Variants in PARD3 observed in about 807,000 individuals in gnomAD.
PARD3 encodes the protein partitioning defective 3 homolog.
Under a neutral mutation model 155.4 loss-of-function variants are expected in PARD3, and 75 were observed. The observed-to-expected ratio is 0.48, with a 90% confidence interval of 0.40 to 0.58. The LOEUF is 0.58. PARD3 is among the 20% of genes least tolerant of loss of function. PARD3 has a pLI of 0.00. For missense variants in PARD3, 1,642 were observed against 1,721.7 expected (o/e 0.95, Z 0.82); for synonymous variants, 576 against 610.5 (o/e 0.94, Z 0.83).
At chr10:34,145,764 G>T (rs35539142) in intron 22 of PARD3, among the ~76,000 whole-genome samples, 26 of 151,968 alleles carry the variant, frequency 1.7e-4, no homozygotes, top group African/African-American at 4.4e-4. Context: ...ACAAACAAAC[G>T]TTGTTTGTTT....
intron 1 of PARD3, among the ~76,000 whole-genome samples, chr10:34,727,240 G>A (rs778693833): frequency 7.9e-5 from 12 of 152,194 alleles, no homozygotes; most frequent in Non-Finnish European, 1.8e-4. Flanking sequence ...GCAAGCCTGA[G>A]AGCATGAACC....
intron 19 of PARD3, among the ~76,000 whole-genome samples, chr10:34,324,572 T>C (rs1225913514): frequency 6.6e-6 from 1 of 152,144 alleles, no homozygotes; most frequent in African/African-American, 2.4e-5. Context: ...TGGGCACATC[T>C]AGAGACAGGA....
intron 14 of PARD3, among the ~76,000 whole-genome samples, chr10:34,349,353 C>T (rs998770364): frequency 6.6e-6 from 1 of 151,968 alleles, no homozygotes; most frequent in Non-Finnish European, 1.5e-5. Flanking sequence ...ATTGGAGGCA[C>T]ATCAAACTGC....
At chr10:34,563,532 ATTT>A (rs3041201) in intron 2 of PARD3, among the ~76,000 whole-genome samples, 13 of 144,322 alleles carry the variant, frequency 9.0e-5, no homozygotes, top group Non-Finnish European at 9.1e-5. Context: ...ACGCCTGCTA[ATTT>A]TTTTTTTTTT....
At position 34,146,724 on chromosome 10, in the gene PARD3, A is replaced by T. The variant is rs187026986; in HGVS notation, c.3420-15141T>A. 2.3e-3 allele frequency among the ~76,000 whole-genome samples: 350 copies of T among 152,294 alleles called. 3 individuals are homozygous for T. Among genetic ancestry groups the T allele is most frequent in the African/African-American group, 8.1e-3 (337 of 41,562 alleles). ...CTCTTCGTTCTCCTGCTAAAGAGTG[A>T]CCAGCTCCTATTCTGATCTCTCAGG... On this transcript the variant is annotated intron_variant, in intron 22 of 24. Transcript: ENST00000374788.
chr10:34,383,124 T>C (rs1842018112), intron 8 of PARD3, among the ~76,000 whole-genome samples: 1 of 152,192 alleles, frequency 6.6e-6, no homozygotes, highest in African/African-American at 2.4e-5. Context: ...AAATTTCTCA[T>C]TCTCTCAATA....
intron 1 of PARD3, among the ~76,000 whole-genome samples, chr10:34,725,171 GAGAC>G (rs2094685659): frequency 7.1e-6 from 1 of 141,768 alleles, no homozygotes; most frequent in African/African-American, 2.5e-5. Context: ...GAGAGAGAGA[GAGAC>G]GGAGTCTCAC....
At chr10:34,230,371 T>G (rs1296374887) in intron 22 of PARD3, among the ~76,000 whole-genome samples, 2 of 152,130 alleles carry the variant, frequency 1.3e-5, no homozygotes, top group Non-Finnish European at 2.9e-5. Context: ...GACCTCTGCA[T>G]GAAGGCAGAT....
intron 22 of PARD3, among the ~76,000 whole-genome samples, chr10:34,141,644 C>G (rs969989283): frequency 1.2e-4 from 18 of 152,288 alleles, no homozygotes; most frequent in African/African-American, 4.1e-4. Context: ...CAGGAATGTA[C>G]CCCTCGCCCT....
rs1225720759 is a variant in PARD3, at chr10:34,336,185, C to T, written c.2605+14G>A. ...CATCGTTTCTATGGCAACAGTCTAACTGTCCATTCTTACCTGCTTTCTGGT... is the reference window on the plus strand; with the variant it reads ...CATCGTTTCTATGGCAACAGTCTAATTGTCCATTCTTACCTGCTTTCTGGT... On this transcript the variant is annotated intron_variant, in intron 18 of 24. Transcript: ENST00000374788. The T allele has an allele frequency of 1.9e-6, 3 of 1,604,886 alleles. No homozygotes were observed. The highest frequency in any genetic ancestry group is 2.2e-5 in the South Asian group (2 of 90,774).
chr10:34,737,726 G>A (rs1159808649), intron 1 of PARD3, among the ~76,000 whole-genome samples: 2 of 152,180 alleles, frequency 1.3e-5, no homozygotes, highest in Non-Finnish European at 2.9e-5. Flanking sequence ...CTGGCACCTA[G>A]TTTGGACTTC....
intron 2 of PARD3, among the ~76,000 whole-genome samples, chr10:34,571,237 C>G (rs1170275223): frequency 6.6e-6 from 1 of 152,062 alleles, no homozygotes; most frequent in Non-Finnish European, 1.5e-5. Context: ...TTACTTGAGC[C>G]CAGGAAGTCA....
chr10:34,683,168 AT>A (rs2093877751), intron 2 of PARD3, among the ~76,000 whole-genome samples: 1 of 152,212 alleles, frequency 6.6e-6, no homozygotes, highest in Admixed American at 6.5e-5. Flanking sequence ...ATTCTCATTC[AT>A]AAGTGGAAGC....
At chr10:34,522,049 AC>A (rs1352990668) in intron 2 of PARD3, among the ~76,000 whole-genome samples, 1 of 152,182 alleles carries the variant, frequency 6.6e-6, no homozygotes, top group African/African-American at 2.4e-5. Flanking sequence ...AACTCCTGGA[AC>A]CAGTGAATGT....
chr10:34,283,480 G>A (rs758593683), intron 21 of PARD3, among the ~76,000 whole-genome samples: 9 of 152,072 alleles, frequency 5.9e-5, no homozygotes, highest in Non-Finnish European at 1.0e-4. Context: ...TTAGAAAAAC[G>A]GTTTTCGAGT....
chr10:34,475,107 G>C (rs528061106), intron 3 of PARD3, among the ~76,000 whole-genome samples: 5 of 152,284 alleles, frequency 3.3e-5, no homozygotes, highest in African/African-American at 1.2e-4. Context: ...TGACCTCAAA[G>C]AGTTTTTGTT....
intron 2 of PARD3, among the ~76,000 whole-genome samples, chr10:34,545,716 G>A (rs1268022904): frequency 2.6e-5 from 4 of 152,018 alleles, no homozygotes; most frequent in African/African-American, 7.2e-5. Flanking sequence ...CACGACGCCC[G>A]GCTAATTTTT....
intron 22 of PARD3, among the ~76,000 whole-genome samples, chr10:34,134,164 C>G (rs1389889673): frequency 6.6e-6 from 1 of 152,134 alleles, no homozygotes; most frequent in Admixed American, 6.6e-5. Context: ...ATCTAAAAAG[C>G]ACTCTGTTCT....
intron 1 of PARD3, among the ~76,000 whole-genome samples, chr10:34,707,310 C>G (rs2094380221): frequency 6.6e-6 from 1 of 151,754 alleles, no homozygotes; most frequent in Non-Finnish European, 1.5e-5. Flanking sequence ...AAAGCCACAC[C>G]ATGAAAAATT....
Sources: gnomAD v4.1 joint callset for allele counts (sites outside exome capture counted in the v4.1 genomes callset) on GRCh38, gnomAD v4.1.1 for gene constraint, MANE v1.5 for transcripts, NCBI Gene and HGNC (gene_info 2026-07-23, HGNC 2026-07-21) for gene names.